MNT: variants seen among roughly 807,000 people sequenced by gnomAD.
The protein encoded by MNT is MAX network transcriptional repressor.
Under a neutral mutation model 40.7 loss-of-function variants are expected in MNT, and 13 were observed. The ratio of observed to expected loss-of-function variants is 0.32; its 90% CI spans 0.21 to 0.51. The LOEUF (loss-of-function observed/expected upper bound fraction) is 0.51. Ranked by LOEUF, MNT falls within the 20% of genes least tolerant of loss-of-function variation. The pLI is 0.98. For synonymous variants in MNT, 426 were observed against 354.8 expected, an observed-to-expected ratio of 1.20 and a Z score of -2.26; for missense variants, 757 against 792.0, an observed-to-expected ratio of 0.96 and a Z score of 0.53.
chr17:2,400,474 C>T, intron 1 of MNT, 166 bp downstream of exon 1: 1 of 558,868 alleles, frequency 1.8e-6, no homozygotes, highest in Non-Finnish European at 3.0e-6. Context: ...ATTTCACTGC[C>T]CACATCACCC....
Position 2,394,877 on chromosome 17 carries a change from C to T in MNT, c.651G>A (p.Gly217=), listed in dbSNP as rs768677100. 1 of 1,574,800 alleles carries T rather than the reference C, an allele frequency of 6.4e-7. No individual in the cohort carries two copies. Among genetic ancestry groups the T allele is most frequent in the Admixed American group, 1.8e-5 (1 of 54,698 alleles). The change falls in exon 2 of 6, where the codon GGG becomes GGA. Residue 217 remains glycine, a splice_region_variant and synonymous_variant. Coordinates refer to ENST00000174618, the MANE Select transcript of MNT (RefSeq NM_020310.3). ...CGACCCCGCCACACCCCACTCACCC[C>T]CCGGGCCTCTTCTTCTGTTCACTGG... ...VKSSEQKKRP[G]GIGTREVHNK...
chr17:2,393,963 CGGGGCGGGGCGCGGCCG>C lies in MNT; in HGVS notation c.807+63_807+79del, dbSNP rs2066550332. The C allele has an allele frequency of 3.3e-6, 3 of 922,618 alleles. No homozygotes were observed. The African/African-American group carries it at 5.6e-5, about 17-fold the overall frequency. The allele number at this position is 922,618 out of a possible 1,614,324, so 57.2% of individuals were successfully genotyped here. The stretch of plus-strand genomic sequence containing the variant: ...CGGGGGAGCCGCCGGGGCGTGAGGG[CGGGGCGGGGCGCGGCCG>C]GGGGAGGGGCGGCGGAGGGAGGGCG... On this transcript the variant is annotated intron_variant, in intron 4 of 5. Transcript: ENST00000174618.
At chr17:2,392,706 G>C (rs1033908941) in intron 4 of MNT, 19 of 151,838 alleles carry the variant, frequency 1.3e-4, no homozygotes, top group African/African-American at 4.4e-4. Flanking sequence ...GCACCCACGC[G>C]GCCGCGGCTT....
intron 4 of MNT, chr17:2,390,524 GGAGAGTTTGACTAATGCCT>G (rs2066504806): frequency 6.6e-6 from 1 of 152,186 alleles, no homozygotes; most frequent in South Asian, 2.1e-4. Flanking sequence ...GTGCTCCTTA[GGAGAGTTTGACTAATGCCT>G]GATGATGGGA....
rs1378731864 is a variant in MNT, at chr17:2,400,872, G to A, written c.-160C>T. ...CGCAGGGAAGAACGGGGGAGCACGG[G>A]GAGAAAAATCAATGTCTCTCAAAAT... On this transcript the variant is annotated 5_prime_UTR_variant, in exon 1 of 6. Transcript: ENST00000174618. The A allele has an allele frequency of 6.7e-6, 3 of 447,726 alleles. No homozygotes were observed. The highest frequency in any genetic ancestry group is 2.1e-5 in the African/African-American group (1 of 48,562). 27.7% of individuals were successfully genotyped at this position (447,726 alleles called of 1,614,324 possible). A position where few individuals can be genotyped will look rare whatever the true frequency, so the allele number is the denominator to read the frequency against.
At chr17:2,397,161 G>A (rs2066584023) in intron 1 of MNT, among the ~76,000 whole-genome samples, 1 of 152,222 alleles carries the variant, frequency 6.6e-6, no homozygotes, top group Non-Finnish European at 1.5e-5. Flanking sequence ...CTAGCCCTTC[G>A]GGAAGGGGCG....
In MNT at chr17:2,395,359, C is replaced by G; in HGVS notation, c.169G>C (p.Glu57Gln). The G allele has an allele frequency of 6.2e-7, 1 of 1,613,318 alleles. No individual in the cohort carries two copies. The highest frequency in any genetic ancestry group is 1.1e-5 in the South Asian group (1 of 91,074). ...ARLAHTLPVE[E>Q]PRMEAPPLPL... ...AGGGGTGGCGCCTCCATGCGGGGTT[C>G]CTCCACAGGAAGGGTATGTGCCAGC... is the stretch of plus-strand genomic sequence containing the variant. Residue 57 changes from glutamate (E) to glutamine (Q), a missense_variant, in exon 2 of 6, where the codon GAA (glutamate) becomes CAA (glutamine). By Grantham distance (29) the Glu-to-Gln change is conservative. Coordinates refer to ENST00000174618, the MANE Select transcript of MNT (RefSeq NM_020310.3).
intron 4 of MNT, among the ~76,000 whole-genome samples, chr17:2,392,926 C>T (rs1433163268): frequency 2.0e-5 from 3 of 152,192 alleles, no homozygotes; most frequent in Admixed American, 1.3e-4. Context: ...GGAGCAGTCG[C>T]GAAGCAGCGC....
chr17:2,398,688 G>A (rs939091315), intron 1 of MNT, among the ~76,000 whole-genome samples: 2 of 152,238 alleles, frequency 1.3e-5, no homozygotes, highest in African/African-American at 2.4e-5. Flanking sequence ...AACACAGTGC[G>A]TACTCGAACT....
chr17:2,391,290 G>C (rs1256147836), intron 4 of MNT: 1 of 152,386 alleles, frequency 6.6e-6, no homozygotes, highest in East Asian at 1.9e-4. Flanking sequence ...CGCCCAGCCT[G>C]TGTGTGGCTT....
At chr17:2,395,705 G>A (rs1033859702) in intron 1 of MNT, among the ~76,000 whole-genome samples, 1 of 152,094 alleles carries the variant, frequency 6.6e-6, no homozygotes, top group Non-Finnish European at 1.5e-5. Flanking sequence ...CAGTCACGGG[G>A]GCTGACAGTC....
At chr17:2,394,017 G>A in intron 4 of MNT, 26 bp downstream of exon 4, 2 of 1,520,904 alleles carry the variant, frequency 1.3e-6, no homozygotes, top group African/African-American at 2.9e-5. Context: ...GGGAAGCTGC[G>A]CGACGCCGGC....
rs1567864419 is a variant in MNT at position 2,387,472 on chromosome 17, G to A, written c.1178C>T (p.Pro393Leu). Residue 393 changes from proline to leucine, a missense_variant, in exon 6 of 6, where the codon CCT becomes CTT. Transcript: ENST00000174618. ...CTGCTGCTGCACGGGGAGGTGGGCAGGAGGTAGGGCCACGGAGTGGGGGTG... is the reference window on the plus strand; with the variant it reads ...CTGCTGCTGCACGGGGAGGTGGGCAAGAGGTAGGGCCACGGAGTGGGGGTG... ...HPHPHSVALP[P>L]AHLPVQQQQP... The A allele has an allele frequency of 3.7e-6, 6 of 1,612,136 alleles. No individual in the cohort carries two copies. Among genetic ancestry groups the A allele is most frequent in the East Asian group, 4.5e-5 (2 of 44,838 alleles).
Position 2,387,772 on chromosome 17 carries a change from G to A in MNT, c.1000+85C>T, listed in dbSNP as rs1296513161. 6.5e-6 allele frequency: 10 copies of A among 1,546,706 alleles called. No homozygotes were observed. In the East Asian group the frequency reaches 1.6e-4, roughly 24 times the overall value. On this transcript the variant is annotated intron_variant, in intron 5 of 5. Transcript: ENST00000174618. ...GGGGCCAGGGCCATCTTTTCTAGCA[G>A]GCAAGAAAGAGCCTGGCCAGGGAGG...
chr17:2,388,513 C>T (rs1230841676), intron 4 of MNT, among the ~76,000 whole-genome samples: 1 of 152,148 alleles, frequency 6.6e-6, no homozygotes, highest in East Asian at 1.9e-4. Flanking sequence ...CTCGCCCCAT[C>T]TCATCTCCAG....
At chr17:2,391,193 T>C (rs1461567277) in intron 4 of MNT, 1 of 152,374 alleles carries the variant, frequency 6.6e-6, no homozygotes, top group African/African-American at 2.4e-5. Context: ...TTTGCCATGT[T>C]GGCCAGGATG....
At chr17:2,387,728 G>T (rs1345817463) in intron 5 of MNT, 79 bp from the exon 6 acceptor site, 8 of 1,575,438 alleles carry the variant, frequency 5.1e-6, no homozygotes, top group Middle Eastern at 3.4e-4. Context: ...TCGTGGGGGC[G>T]TGGGAATGTG....
At chr17:2,399,635 C>G (rs1404265131) in intron 1 of MNT, among the ~76,000 whole-genome samples, 3 of 152,060 alleles carry the variant, frequency 2.0e-5, no homozygotes, top group African/African-American at 7.2e-5. Context: ...GCGCAAGGCC[C>G]CTTGCCAGCC....
intron 1 of MNT, among the ~76,000 whole-genome samples, chr17:2,397,054 G>A (rs2066583237): frequency 2.6e-5 from 4 of 152,212 alleles, no homozygotes; most frequent in Admixed American, 1.3e-4. Flanking sequence ...CGAGGAGGAA[G>A]CGGAGGGGGA....
Sources: gnomAD v4.1 joint callset for allele counts (sites outside exome capture counted in the v4.1 genomes callset) on GRCh38, gnomAD v4.1.1 for gene constraint, MANE v1.5 for transcripts, NCBI Gene and HGNC (gene_info 2026-07-23, HGNC 2026-07-21) for gene names.